The following PLPP4 variants were observed in gnomAD, a reference collection of about 807,000 sequenced individuals.
PLPP4 encodes phospholipid phosphatase 4.
PLPP4 carries 20 observed loss-of-function variants against 32.2 expected under a neutral mutation model. That is an observed-to-expected ratio of 0.62 (90% CI 0.44 to 0.90). PLPP4 has a LOEUF of 0.90. Ranked by LOEUF, PLPP4 falls within the 40% of genes least tolerant of loss-of-function variation. PLPP4 has a pLI of 0.00. For missense variants in PLPP4, 257 were observed against 353.1 expected (o/e 0.73, Z 2.18); for synonymous variants, 127 against 133.0 (o/e 0.95, Z 0.31).
In PLPP4 at chr10:120,544,558, C is replaced by G. The variant is rs77638808; in HGVS notation, c.445+23463C>G. ...ACTTCCCCTCCCATACACAGACTCT[C>G]CTGCTCCCCGGGCCTCACTCTTCCC... On this transcript the variant is annotated intron_variant, in intron 5 of 6. Coordinates refer to ENST00000398250, the MANE Select transcript of PLPP4 (RefSeq NM_001030059.3). Among the ~76,000 whole-genome samples, 4 of 152,292 alleles carry G rather than the reference C, an allele frequency of 2.6e-5. No individual in the cohort carries two copies. In the East Asian group the frequency reaches 5.8e-4, roughly 22 times the overall value.
chr10:120,538,613 A>C (rs1455630177), intron 5 of PLPP4, among the ~76,000 whole-genome samples: 2 of 152,070 alleles, frequency 1.3e-5, no homozygotes, highest in Admixed American at 6.5e-5. Flanking sequence ...GCCCTTTCAC[A>C]TGGTCTTCAG....
chr10:120,565,764 C>G (rs553666084), intron 5 of PLPP4, among the ~76,000 whole-genome samples: 5 of 152,120 alleles, frequency 3.3e-5, no homozygotes, highest in South Asian at 2.1e-4. Flanking sequence ...TTCTTCTTCT[C>G]CATTTTCTCT....
Position 120,521,038 on chromosome 10 carries a change from G to A in PLPP4, c.388G>A (p.Gly130Ser), listed in dbSNP as rs748762259. 1 of 1,614,082 alleles carries A rather than the reference G, an allele frequency of 6.2e-7. No homozygotes were observed. The highest frequency in any genetic ancestry group is 1.7e-5 in the Admixed American group (1 of 60,016). ...GATGAACTCGGAAATGCATTGCACA[G>A]GTGACCCCGATCTGGTGTCCGAGGG... ...GVMNSEMHCTGDPDLVSEGRK... is the reference protein window; with the variant it reads ...GVMNSEMHCTSDPDLVSEGRK... Residue 130 changes from glycine to serine, a missense_variant, in exon 5 of 7, where the codon GGT becomes AGT. By Grantham distance (56) the Gly-to-Ser change is moderately conservative. Transcript: ENST00000398250.
At chr10:120,465,729 T>A (rs1848277873) in intron 1 of PLPP4, among the ~76,000 whole-genome samples, 1 of 152,232 alleles carries the variant, frequency 6.6e-6, no homozygotes, top group South Asian at 2.1e-4. Context: ...TATTCATAAT[T>A]GTACAGCTGT....
rs58655566 is a variant in PLPP4 at position 120,565,315 on chromosome 10, G to GGTGTGT, written c.446-9774_446-9769dup. On this transcript the variant is annotated intron_variant, in intron 5 of 6. Coordinates refer to ENST00000398250, the MANE Select transcript of PLPP4 (RefSeq NM_001030059.3). Reference sequence around the variant, plus strand: ...TACATTTCCTTTGATTTGTTTGTGTGGTGTGTGTGTGTGTGTGTGTGTGTG... The same window carrying GGTGTGT: ...TACATTTCCTTTGATTTGTTTGTGTGGTGTGTGTGTGTGTGTGTGTGTGTGTGTGTG... Among the ~76,000 whole-genome samples the GGTGTGT allele has an allele frequency of 8.9e-3, 1,274 of 142,696 alleles. 11 individuals carry two copies. The highest frequency in any genetic ancestry group is 0.013 in the Non-Finnish European group (867 of 65,492). The allele number at this position is 142,696 out of a possible 152,430, so 93.6% of individuals were successfully genotyped here.
At chr10:120,509,371 C>A (rs555282255) in intron 2 of PLPP4, among the ~76,000 whole-genome samples, 1 of 152,142 alleles carries the variant, frequency 6.6e-6, no homozygotes, top group Non-Finnish European at 1.5e-5. Context: ...GAGTCCATTC[C>A]GCACATTTTT....
chr10:120,501,534 A>G (rs1460060564), intron 1 of PLPP4, among the ~76,000 whole-genome samples: 1 of 152,234 alleles, frequency 6.6e-6, no homozygotes, highest in Non-Finnish European at 1.5e-5. Context: ...GAAGAAACTG[A>G]GGCTCAGAAA....
chr10:120,505,813 T>A (rs966158), intron 2 of PLPP4, among the ~76,000 whole-genome samples: 72,255 of 152,056 alleles, frequency 0.48, 17,419 homozygotes, highest in East Asian at 0.62. Flanking sequence ...AAATCCTAGA[T>A]ATAAAGGAAG....
chr10:120,585,467 C>T (rs1849709196), intron 6 of PLPP4, among the ~76,000 whole-genome samples: 1 of 152,160 alleles, frequency 6.6e-6, no homozygotes. Context: ...AATGAGAAAG[C>T]CTCCGGCAGC....
At chr10:120,526,050 A>G (rs759812896) in intron 5 of PLPP4, among the ~76,000 whole-genome samples, 38 of 151,868 alleles carry the variant, frequency 2.5e-4, no homozygotes, top group Non-Finnish European at 1.5e-5. Context: ...TCTTTTTAGT[A>G]TCTCTTCTTT....
intron 1 of PLPP4, among the ~76,000 whole-genome samples, chr10:120,483,159 C>T (rs895725796): frequency 6.6e-6 from 1 of 152,178 alleles, no homozygotes; most frequent in Non-Finnish European, 1.5e-5. Context: ...ATTTTGGCCT[C>T]TTGGACTTAC....
intron 5 of PLPP4, among the ~76,000 whole-genome samples, chr10:120,552,758 T>G (rs149642687): frequency 1.3e-5 from 2 of 152,232 alleles, no homozygotes; most frequent in Non-Finnish European, 2.9e-5. Flanking sequence ...CTTTCACCAC[T>G]GAGCCTCATT....
At chr10:120,561,435 A>G (rs979676691) in intron 5 of PLPP4, among the ~76,000 whole-genome samples, 1 of 152,106 alleles carries the variant, frequency 6.6e-6, no homozygotes, top group Non-Finnish European at 1.5e-5. Flanking sequence ...TCATGTAAGG[A>G]TGGGTCTTTT....
At chr10:120,479,338 G>A (rs4752423) in intron 1 of PLPP4, among the ~76,000 whole-genome samples, 108,880 of 152,152 alleles carry the variant, frequency 0.72, 40,798 homozygotes, top group East Asian at 0.92. Context: ...ATTCCTCCCA[G>A]CAGTGCCTGA....
Position 120,481,683 on chromosome 10 carries a change from T to G in PLPP4, c.57-22135T>G, listed in dbSNP as rs191709451. On this transcript the variant is annotated intron_variant, in intron 1 of 6. Transcript: ENST00000398250. ...AGGAAACAAAGACCATGATCAAAGT[T>G]TTATGGCCAGTAAGGAGCTGATAAC... Among the ~76,000 whole-genome samples the G allele has an allele frequency of 9.7e-4, 148 of 152,234 alleles. 1 individual carries two copies. The highest frequency in any genetic ancestry group is 3.4e-3 in the African/African-American group (140 of 41,546).
chr10:120,561,925 C>G (rs1848455453), intron 5 of PLPP4, among the ~76,000 whole-genome samples: 1 of 152,180 alleles, frequency 6.6e-6, no homozygotes, highest in Non-Finnish European at 1.5e-5. Flanking sequence ...ACATCTCTCC[C>G]ATTGCTTTTC....
chr10:120,552,564 C>G (rs1254110868), intron 5 of PLPP4, among the ~76,000 whole-genome samples: 1 of 152,170 alleles, frequency 6.6e-6, no homozygotes, highest in Non-Finnish European at 1.5e-5. Flanking sequence ...GTGCATATTT[C>G]CTGTGTTTCA....
intron 1 of PLPP4, among the ~76,000 whole-genome samples, chr10:120,475,905 G>A (rs1344846159): frequency 3.6e-5 from 2 of 56,082 alleles, no homozygotes; most frequent in African/African-American, 6.7e-5. Context: ...ATGTGGGCGG[G>A]GGGCACCAGT....
chr10:120,514,129 A>G (rs761518841), intron 3 of PLPP4, 128 bp downstream of exon 3: 1 of 767,438 alleles, frequency 1.3e-6, no homozygotes, highest in Middle Eastern at 2.4e-4. Context: ...GAGGAACAAG[A>G]TAAGATAAAG....
Sources: allele counts gnomAD v4.1 joint callset (sites outside exome capture counted in the v4.1 genomes callset), GRCh38; gene constraint gnomAD v4.1.1; transcripts MANE v1.5; gene names NCBI Gene and HGNC (gene_info 2026-07-23, HGNC 2026-07-21).